BCR: variants seen among roughly 807,000 people sequenced by gnomAD.
BCR encodes the protein breakpoint cluster region protein.
Under a neutral mutation model 138.6 loss-of-function variants are expected in BCR, and 58 were observed. The ratio of observed to expected loss-of-function variants is 0.42; its 90% CI spans 0.34 to 0.52. BCR has a LOEUF of 0.52. BCR is among the 20% of genes least tolerant of loss of function. The pLI is 0.06. For synonymous variants in BCR, 786 were observed against 730.1 expected (o/e 1.08, Z -1.23); for missense variants, 1,599 against 1,727.2 (o/e 0.93, Z 1.32).
chr22:23,180,815 G>T lies in BCR; in HGVS notation c.-146G>T. On this transcript the variant is annotated 5_prime_UTR_variant, in exon 1 of 23. Coordinates refer to ENST00000305877, the MANE Select transcript of BCR (RefSeq NM_004327.4). ...CCGCTCCGCCTCACCTGCCACCAGG[G>T]AGTGGGCGGGCATTGTTCGCCGCCG... The T allele has an allele frequency of 6.7e-6, 2 of 296,740 alleles. No individual in the cohort carries two copies. Among genetic ancestry groups the T allele is most frequent in the Non-Finnish European group, 9.8e-6 (2 of 203,848 alleles). 18.4% of individuals were successfully genotyped at this position (296,740 alleles called of 1,614,324 possible). A position where few individuals can be genotyped will look rare whatever the true frequency, so the allele number is the denominator to read the frequency against.
chr22:23,187,408 T>C (rs144963799), intron 1 of BCR, among the ~76,000 whole-genome samples: 7 of 152,044 alleles, frequency 4.6e-5, no homozygotes, highest in Admixed American at 3.3e-4. Flanking sequence ...CTGATTGACA[T>C]TGGGGAGGAG....
chr22:23,235,848 G>T (rs1217060639), intron 1 of BCR, among the ~76,000 whole-genome samples: 2 of 152,166 alleles, frequency 1.3e-5, no homozygotes, highest in Non-Finnish European at 2.9e-5. Context: ...GATGGGGGCT[G>T]TCTCTGGGGT....
Position 23,264,617 on chromosome 22 carries a change from C to T in BCR, c.1752+3077C>T, listed in dbSNP as rs555131907. On this transcript the variant is annotated intron_variant, in intron 4 of 22. Coordinates refer to ENST00000305877, the MANE Select transcript of BCR (RefSeq NM_004327.4). ...GGAGTGCAGCTGAACCTCGGCCCTG[C>T]GACTCTGTTTGGCCAGAGCAAGGAT... The T allele has an allele frequency of 3.3e-5, 10 of 307,512 alleles. No individual in the cohort carries two copies. In the East Asian group the frequency reaches 3.7e-4, roughly 11 times the overall value. The allele number at this position is 307,512 out of a possible 1,614,324, so 19.0% of individuals were successfully genotyped here.
Position 23,263,744 on chromosome 22 carries a change from G to T in BCR, c.1752+2204G>T, listed in dbSNP as rs191636858. 6.9e-4 allele frequency: 988 copies of T among 1,431,366 alleles called. 1 individual carries two copies. Among genetic ancestry groups the T allele is most frequent in the Non-Finnish European group, 8.9e-4 (901 of 1,014,518 alleles). The allele number at this position is 1,431,366 out of a possible 1,614,324, so 88.7% of individuals were successfully genotyped here. On this transcript the variant is annotated intron_variant, in intron 4 of 22. Coordinates refer to ENST00000305877, the MANE Select transcript of BCR (RefSeq NM_004327.4). The stretch of plus-strand genomic sequence containing the variant: ...GAACAGGAGGTGAACTGTGTGGATT[G>T]CAAAGGGGGCATCATATCATTGTGA...
chr22:23,208,282 C>G (rs1005346256), intron 1 of BCR, among the ~76,000 whole-genome samples: 1 of 152,184 alleles, frequency 6.6e-6, no homozygotes, highest in East Asian at 1.9e-4. Context: ...TTGTCCCTTT[C>G]ACCTGTGCCG....
chr22:23,268,348 T>C, intron 4 of BCR, 60 bp from the exon 5 acceptor site: 1 of 1,410,836 alleles, frequency 7.1e-7, no homozygotes, highest in South Asian at 1.2e-5. Flanking sequence ...GAGCCTGCTC[T>C]TCAGAAAGAT....
chr22:23,254,460 A>G (rs961381510), intron 2 of BCR: 28 of 517,698 alleles, frequency 5.4e-5, no homozygotes, highest in Non-Finnish European at 8.5e-5. Flanking sequence ...CCACTTTACA[A>G]AGGTGAAACT....
chr22:23,255,676 T>G (rs1025033891), intron 2 of BCR, among the ~76,000 whole-genome samples: 1 of 151,856 alleles, frequency 6.6e-6, no homozygotes, highest in Non-Finnish European at 1.5e-5. Context: ...TGTCCGGGGG[T>G]GGGGGCCTCC....
chr22:23,279,527 C>T (rs2073618041), intron 8 of BCR, among the ~76,000 whole-genome samples: 2 of 152,220 alleles, frequency 1.3e-5, no homozygotes, highest in African/African-American at 4.8e-5. Context: ...CAGGGGTGTG[C>T]GCTTTGCTCT....
intron 1 of BCR, among the ~76,000 whole-genome samples, chr22:23,234,467 G>A (rs1404446544): frequency 6.6e-6 from 1 of 152,136 alleles, no homozygotes. Flanking sequence ...AAGTTTTGAG[G>A]GGACTGGTGC....
rs561373708 is a variant in BCR, at chr22:23,270,577, G to C, written c.1861-955G>C. Among the ~76,000 whole-genome samples, 6 of 152,342 alleles carry C rather than the reference G, an allele frequency of 3.9e-5. No homozygotes were observed. In the East Asian group the frequency reaches 9.6e-4, roughly 24 times the overall value. ...CAGAAGAACAGTCACTGCGAGGGCT[G>C]TTAAACTCTCAGGAAAGGTACCAAA... is the stretch of plus-strand genomic sequence containing the variant. On this transcript the variant is annotated intron_variant, in intron 5 of 22. Transcript: ENST00000305877.
chr22:23,288,033 G>C, intron 11 of BCR, 64 bp from the exon 12 acceptor site: 2 of 1,503,976 alleles, frequency 1.3e-6, no homozygotes, highest in Non-Finnish European at 1.8e-6. Context: ...GGTGCCCCGG[G>C]CCTACCAGGC....
At chr22:23,236,748 A>T (rs369976680) in intron 1 of BCR, among the ~76,000 whole-genome samples, 6 of 152,152 alleles carry the variant, frequency 3.9e-5, no homozygotes, top group East Asian at 1.9e-4. Context: ...CCTGCCCTGG[A>T]GGTAAAGAGG....
Position 23,299,785 on chromosome 22 carries a change from G to T in BCR, c.3012+4630G>T, listed in dbSNP as rs138218933. Among the ~76,000 whole-genome samples, 1,021 of 151,922 alleles carry T rather than the reference G, an allele frequency of 6.7e-3. 12 individuals carry two copies. The highest frequency in any genetic ancestry group is 0.024 in the African/African-American group (975 of 41,462). ...CTGGAAATTGCTGAGCCAGGCACCT[G>T]CCCTCTCACAGATGAAGGTGCTGAA... is the stretch of plus-strand genomic sequence containing the variant. On this transcript the variant is annotated intron_variant, in intron 16 of 22. Coordinates refer to ENST00000305877, the MANE Select transcript of BCR (RefSeq NM_004327.4).
intron 1 of BCR, among the ~76,000 whole-genome samples, chr22:23,222,030 G>C (rs6003571): frequency 0.033 from 4,978 of 152,036 alleles, 268 homozygotes; most frequent in African/African-American, 0.11. Flanking sequence ...GGCGGAGGTT[G>C]CAGTGAGCTG....
At chr22:23,293,045 G>A (rs747146365) in intron 15 of BCR, among the ~76,000 whole-genome samples, 8 of 152,024 alleles carry the variant, frequency 5.3e-5, no homozygotes, top group Non-Finnish European at 1.0e-4. Flanking sequence ...AGGGACTGTA[G>A]GGTCCTGCTT....
At chr22:23,268,040 C>T (rs1021704093) in intron 4 of BCR, among the ~76,000 whole-genome samples, 1 of 152,208 alleles carries the variant, frequency 6.6e-6, no homozygotes, top group Non-Finnish European at 1.5e-5. Flanking sequence ...ACTCTTGCAG[C>T]CAGAATGGGA....
At position 23,289,607 on chromosome 22, in the gene BCR, C is replaced by T; in HGVS notation, c.2693C>T (p.Thr898Ile). The T allele has an allele frequency of 6.2e-7, 1 of 1,608,002 alleles. No homozygotes were observed. The highest frequency in any genetic ancestry group is 8.5e-7 in the Non-Finnish European group (1 of 1,178,802). The change falls in exon 13 of 23, where the codon ACC (threonine) becomes ATC (isoleucine). Residue 898 changes from threonine (T) to isoleucine (I), a missense_variant. Transcript: ENST00000305877. Reference protein sequence around the residue: ...KLQTVHSIPLTINKEDDESPG... With the variant: ...KLQTVHSIPLIINKEDDESPG... ...CAGACTGTCCACAGCATTCCGCTGA[C>T]CATCAATAAGGAAGGTGGGCCCCCC...
intron 1 of BCR, among the ~76,000 whole-genome samples, chr22:23,201,524 C>T (rs2072553494): frequency 6.6e-6 from 1 of 152,184 alleles, no homozygotes; most frequent in Non-Finnish European, 1.5e-5. Context: ...GTGGGGCGAT[C>T]TTGGCTCACT....
Sources: allele counts gnomAD v4.1 joint callset (sites outside exome capture counted in the v4.1 genomes callset), GRCh38; gene constraint gnomAD v4.1.1; transcripts MANE v1.5; gene names NCBI Gene and HGNC (gene_info 2026-07-23, HGNC 2026-07-21).